The following MRPL44 variants were observed in gnomAD, a reference collection of about 807,000 sequenced individuals.
The protein encoded by MRPL44 is mitochondrial ribosomal protein L44.
A neutral mutation model predicts 25.9 loss-of-function variants in MRPL44; 21 were observed. That is an observed-to-expected ratio of 0.81 (90% confidence interval 0.58 to 1.17). The LOEUF (loss-of-function observed/expected upper bound fraction) is 1.17. MRPL44 is among the 50% of genes most tolerant of loss of function. The probability of loss-of-function intolerance (pLI) is 0.00; values close to 1 mark genes in which losing one functional copy is unlikely to be tolerated. For missense variants in MRPL44, 410 were observed against 398.9 expected (o/e 1.03, Z -0.24); for synonymous variants, 169 against 151.0 (o/e 1.12, Z -0.87).
At chr2:223,963,186 G>A (rs1689689125) in intron 2 of MRPL44, among the ~76,000 whole-genome samples, 1 of 152,010 alleles carries the variant, frequency 6.6e-6, no homozygotes, top group Non-Finnish European at 1.5e-5. Flanking sequence ...ACTAATGCCT[G>A]TAATTCCAAT....
At chr2:223,953,371 G>GAT (rs1689518510), upstream of MRPL44, among the ~76,000 whole-genome samples, 1 of 152,076 alleles carries the variant, frequency 6.6e-6, no homozygotes, top group African/African-American at 2.4e-5. Context: ...CTGACCTCAT[G>GAT]ATCCGCCTGC....
chr2:223,966,312 TTTC>T (rs1320179296), intron 3 of MRPL44, among the ~76,000 whole-genome samples: 2 of 152,116 alleles, frequency 1.3e-5, no homozygotes, highest in Admixed American at 6.5e-5. Flanking sequence ...TGGTTTCTGG[TTTC>T]TTATTTGTGT....
chr2:223,962,867 A>G (rs1689685403), intron 2 of MRPL44, among the ~76,000 whole-genome samples: 1 of 151,530 alleles, frequency 6.6e-6, no homozygotes, highest in African/African-American at 2.4e-5. Flanking sequence ...ACGCCTGGCT[A>G]ATTTTTGTAT....
intron 2 of MRPL44, among the ~76,000 whole-genome samples, chr2:223,963,258 C>G (rs1689690249): frequency 6.6e-6 from 1 of 152,006 alleles, no homozygotes; most frequent in Non-Finnish European, 1.5e-5. Context: ...GGCTGGGCAA[C>G]TTATGGAGAC....
In MRPL44 at chr2:223,959,285, C is replaced by A. The variant is rs13022402; in HGVS notation, c.180-249C>A. 0.37 allele frequency among the ~76,000 whole-genome samples: 55,676 copies of A among 152,018 alleles called. 10,972 individuals carry two copies. Among genetic ancestry groups the A allele is most frequent in the Non-Finnish European group, 0.44 (30,171 of 67,972 alleles). On this transcript the variant is annotated intron_variant, in intron 1 of 3. Transcript: ENST00000258383. Reference sequence around the variant, plus strand: ...TGGCTTGGTCTTTTATATTGAAGAACCAATTTCATGTGACAATTGGATCAA... The same window carrying A: ...TGGCTTGGTCTTTTATATTGAAGAAACAATTTCATGTGACAATTGGATCAA...
upstream of MRPL44, among the ~76,000 whole-genome samples, chr2:223,955,362 C>T (rs1266573605): frequency 6.6e-6 from 1 of 152,078 alleles, no homozygotes; most frequent in Non-Finnish European, 1.5e-5. Context: ...CTGTAATTTT[C>T]CTTGTGAGTT....
rs182704701 is a variant in MRPL44, at chr2:223,963,568, T to A, written c.649-188T>A. ...CCAACTATGATTTTTGCAATAAAAT[T>A]AGTGTAAAAACTGTGGGAATGAAAA... On this transcript the variant is annotated intron_variant, in intron 2 of 3. Transcript: ENST00000258383. 1.8e-3 allele frequency among the ~76,000 whole-genome samples: 271 copies of A among 152,272 alleles called. 1 individual carries two copies. Among genetic ancestry groups the A allele is most frequent in the African/African-American group, 6.4e-3 (267 of 41,562 alleles).
Position 223,966,905 on chromosome 2 carries a change from G to A in MRPL44, c.870G>A (p.Leu290=). 1 of 1,614,150 alleles carries A rather than the reference G, an allele frequency of 6.2e-7. No homozygotes were observed. Among genetic ancestry groups the A allele is most frequent in the Middle Eastern group, 1.6e-4 (1 of 6,062 alleles). ...CAGAAGGACCTGGGGAAACAGTATT[G>A]GTTGCAGAAGAAGAGGCTGCTCGAG... ...LIAEGPGETV[L]VAEEEAARVA... is the part of the protein sequence containing the mutation. The change falls in exon 4 of 4, where the codon TTG becomes TTA. Residue 290 remains leucine, a synonymous_variant. Coordinates refer to ENST00000258383, the MANE Select transcript of MRPL44 (RefSeq NM_022915.5).
the MRPL44 span, among the ~76,000 whole-genome samples, chr2:223,951,481 T>TTTTTTTGTTTTGTTTTTTG: frequency 2.0e-3 from 266 of 133,884 alleles, 3 homozygotes; most frequent in African/African-American, 9.0e-3. Context: ...CCTTGGAGTT[T>TTTTTTTGTTTTGTTTTTTG]TTTTTTTTTT....
chr2:223,963,579 CTGTG>C (rs1463946156), intron 2 of MRPL44, among the ~76,000 whole-genome samples, 173 bp from the exon 3 acceptor site: 6 of 151,930 alleles, frequency 3.9e-5, no homozygotes, highest in African/African-American at 1.2e-4. Flanking sequence ...AGTGTAAAAA[CTGTG>C]GGAATGAAAA....
At chr2:223,964,063 G>A (rs1689707185) in intron 3 of MRPL44, 129 bp downstream of exon 3, 3 of 669,724 alleles carry the variant, frequency 4.5e-6, no homozygotes, top group Admixed American at 3.8e-5. Context: ...ATTCCTTAAC[G>A]TAACTTCTAA....
chr2:223,952,123 G>A, the MRPL44 span, among the ~76,000 whole-genome samples: 1 of 152,184 alleles, frequency 6.6e-6, no homozygotes, highest in South Asian at 2.1e-4. Context: ...ATTGCAGGGG[G>A]TTGACTTCTG....
upstream of MRPL44, among the ~76,000 whole-genome samples, chr2:223,955,423 G>A (rs1333700375): frequency 6.6e-6 from 1 of 152,236 alleles, no homozygotes; most frequent in Non-Finnish European, 1.5e-5. Flanking sequence ...CTATGAAGTA[G>A]TGGTGAGTAA....
At chr2:223,955,142 GCTAATCAGTTTTA>G (rs1208387180), upstream of MRPL44, among the ~76,000 whole-genome samples, 1 of 151,964 alleles carries the variant, frequency 6.6e-6, no homozygotes, top group Non-Finnish European at 1.5e-5. Flanking sequence ...AAGGCTTTTT[GCTAATCAGTTTTA>G]CTATCATGAG....
upstream of MRPL44, among the ~76,000 whole-genome samples, chr2:223,953,379 TGCCTCG>T (rs1275188009): frequency 6.6e-6 from 1 of 152,066 alleles, no homozygotes; most frequent in Non-Finnish European, 1.5e-5. Context: ...ATGATCCGCC[TGCCTCG>T]GCCTCCCAAA....
upstream of MRPL44, chr2:223,957,258 G>C: frequency 1.6e-6 from 1 of 613,230 alleles, no homozygotes; most frequent in Non-Finnish European, 2.9e-6. Context: ...CTCGAAGAGA[G>C]GAGAGAACTA....
chr2:223,962,606 C>T (rs140288327), intron 2 of MRPL44, among the ~76,000 whole-genome samples: 3,197 of 152,290 alleles, frequency 0.021, 48 homozygotes, highest in Non-Finnish European at 0.035. Flanking sequence ...TTTGAATGTT[C>T]ATAATTTCTC....
chr2:223,954,476 G>A (rs1689534807), upstream of MRPL44, among the ~76,000 whole-genome samples: 1 of 152,212 alleles, frequency 6.6e-6, no homozygotes, highest in African/African-American at 2.4e-5. Flanking sequence ...TTCTGGCTGA[G>A]GGTCTCTCAT....
At chr2:223,962,750 G>T (rs921357274) in intron 2 of MRPL44, among the ~76,000 whole-genome samples, 3 of 152,138 alleles carry the variant, frequency 2.0e-5, no homozygotes, top group African/African-American at 7.2e-5. Context: ...CCAGGCTGGA[G>T]TGTAGTGGTA....
Sources: allele counts gnomAD v4.1 joint callset (sites outside exome capture counted in the v4.1 genomes callset), GRCh38; gene constraint gnomAD v4.1.1; transcripts MANE v1.5; gene names NCBI Gene and HGNC (gene_info 2026-07-23, HGNC 2026-07-21).